The following ADGRL2 variants were observed in gnomAD, a reference collection of about 807,000 sequenced individuals.
The protein encoded by ADGRL2 is calcium-independent alpha-latrotoxin receptor 2.
In ADGRL2, 44 loss-of-function variants were observed where a neutral mutation model predicts 157.4. The observed-to-expected ratio is 0.28, with a 90% CI of 0.22 to 0.36. The LOEUF is 0.36. Among genes scored for constraint, ADGRL2 ranks in the 10% least tolerant of loss-of-function variants. The probability of loss-of-function intolerance (pLI) is 1.00; values close to 1 mark genes in which losing one functional copy is unlikely to be tolerated. For synonymous variants in ADGRL2, 585 were observed against 624.7 expected (o/e 0.94, Z 0.95); for missense variants, 1,510 against 1,768.9 (o/e 0.85, Z 2.63).
At chr1:81,818,545 A>G (rs72717735) in intron 1 of ADGRL2, among the ~76,000 whole-genome samples, 1,945 of 152,264 alleles carry the variant, frequency 0.013, 17 homozygotes, top group Non-Finnish European at 0.022. Flanking sequence ...ATTGTATTTT[A>G]TTCTTTCCAA....
intron 2 of ADGRL2, among the ~76,000 whole-genome samples, chr1:81,492,077 A>G (rs2078645054): frequency 6.6e-6 from 1 of 152,098 alleles, no homozygotes; most frequent in Non-Finnish European, 1.5e-5. Flanking sequence ...CACTCTTTTA[A>G]TTTTGTTTAA....
At chr1:81,927,103 T>A (rs2095125211) in intron 3 of ADGRL2, among the ~76,000 whole-genome samples, 1 of 152,020 alleles carries the variant, frequency 6.6e-6, no homozygotes, top group Non-Finnish European at 1.5e-5. Flanking sequence ...TGGCATAATA[T>A]TTTACTCAAA....
At chr1:81,455,370 A>G (rs867359937) in intron 2 of ADGRL2, among the ~76,000 whole-genome samples, 2 of 152,168 alleles carry the variant, frequency 1.3e-5, no homozygotes, top group Non-Finnish European at 1.5e-5. Context: ...CCAGACCTGA[A>G]TTCTATTCCA....
intron 3 of ADGRL2, among the ~76,000 whole-genome samples, chr1:81,634,784 A>C (rs1447569653): frequency 6.6e-6 from 1 of 152,024 alleles, no homozygotes; most frequent in Non-Finnish European, 1.5e-5. Context: ...GGCCTCCCAA[A>C]GTGCTGGGAT....
intron 1 of ADGRL2, among the ~76,000 whole-genome samples, chr1:81,823,362 CCTTCCCT>C: frequency 7.7e-6 from 1 of 129,388 alleles, no homozygotes; most frequent in Non-Finnish European, 1.7e-5. Flanking sequence ...TTCCCTCCTT[CCTTCCCT>C]CCCCCCTCCC....
At chr1:81,773,105 T>A (rs572596447) in intron 2 of ADGRL2, among the ~76,000 whole-genome samples, 10 of 152,198 alleles carry the variant, frequency 6.6e-5, no homozygotes, top group Non-Finnish European at 1.2e-4. Context: ...TCTGTCCCTA[T>A]AATTTTTTAA....
chr1:81,711,549 A>C (rs1361828062), intron 1 of ADGRL2, among the ~76,000 whole-genome samples: 1 of 152,216 alleles, frequency 6.6e-6, no homozygotes, highest in Non-Finnish European at 1.5e-5. Context: ...TTAAAAAGAC[A>C]TACTTAAAAT....
At chr1:81,778,115 T>C (rs1446631555) in intron 2 of ADGRL2, among the ~76,000 whole-genome samples, 3 of 152,110 alleles carry the variant, frequency 2.0e-5, no homozygotes, top group Non-Finnish European at 2.9e-5. Flanking sequence ...GGTCAAGAGA[T>C]GGAGACCATT....
chr1:81,369,102 AAT>A (rs72478961), intron 1 of ADGRL2, among the ~76,000 whole-genome samples: 19,321 of 152,146 alleles, frequency 0.13, 1,559 homozygotes, highest in East Asian at 0.2. Flanking sequence ...AATAAGAGAA[AAT>A]AAATGTTTGT....
intron 1 of ADGRL2, among the ~76,000 whole-genome samples, chr1:81,343,680 CAGAG>C (rs1557612426): frequency 6.6e-6 from 1 of 150,962 alleles, no homozygotes; most frequent in East Asian, 1.9e-4. Context: ...CCTCACAAGA[CAGAG>C]AGAGAGAGAA....
chr1:81,447,885 C>T (rs931183787), intron 2 of ADGRL2, among the ~76,000 whole-genome samples: 7 of 151,916 alleles, frequency 4.6e-5, no homozygotes, highest in Non-Finnish European at 7.4e-5. Flanking sequence ...CCTCCATGAA[C>T]GGTTTAGCAC....
chr1:81,973,935 GA>G, intron 17 of ADGRL2, among the ~76,000 whole-genome samples: 1 of 137,552 alleles, frequency 7.3e-6, no homozygotes, highest in East Asian at 2.0e-4. Context: ...TGTGTGTGGG[GA>G]AAAAATATAT....
intron 2 of ADGRL2, among the ~76,000 whole-genome samples, chr1:81,567,564 T>C (rs970945402): frequency 1.3e-5 from 2 of 152,136 alleles, no homozygotes; most frequent in African/African-American, 4.8e-5. Flanking sequence ...TGTCCCAAGA[T>C]GTTCTTATTA....
intron 3 of ADGRL2, among the ~76,000 whole-genome samples, chr1:81,617,059 C>G (rs34914640): frequency 0.18 from 27,856 of 152,084 alleles, 2,759 homozygotes; most frequent in East Asian, 0.35. Flanking sequence ...GATACATAGT[C>G]TATATCAGAG....
chr1:81,583,322 G>C (rs543523761), intron 3 of ADGRL2, among the ~76,000 whole-genome samples: 1 of 152,182 alleles, frequency 6.6e-6, no homozygotes, highest in Non-Finnish European at 1.5e-5. Context: ...AAAGGTGGTA[G>C]TTCATTTAAT....
chr1:81,613,655 C>A (rs1195911233), intron 3 of ADGRL2, among the ~76,000 whole-genome samples: 1 of 152,070 alleles, frequency 6.6e-6, no homozygotes, highest in Non-Finnish European at 1.5e-5. Flanking sequence ...CTATAGGAAG[C>A]CAGAGATCTT....
At chr1:81,642,162 G>A (rs1033875843) in intron 3 of ADGRL2, among the ~76,000 whole-genome samples, 2 of 150,902 alleles carry the variant, frequency 1.3e-5, no homozygotes, top group Non-Finnish European at 3.0e-5. Flanking sequence ...GCAGGAGAAT[G>A]GCATGAACCC....
chr1:81,978,625 C>T (rs1660820306), intron 17 of ADGRL2, among the ~76,000 whole-genome samples: 1 of 151,746 alleles, frequency 6.6e-6, no homozygotes, highest in Non-Finnish European at 1.5e-5. Flanking sequence ...CTTTCCTTAG[C>T]TCTGCTCCTA....
intron 2 of ADGRL2, among the ~76,000 whole-genome samples, chr1:81,556,032 CT>C: frequency 6.6e-6 from 1 of 151,656 alleles, no homozygotes; most frequent in East Asian, 1.9e-4. Context: ...AAAATATAAA[CT>C]TACCCCCAAA....
Sources: gnomAD v4.1 joint callset for allele counts (sites outside exome capture counted in the v4.1 genomes callset) on GRCh38, gnomAD v4.1.1 for gene constraint, MANE v1.5 for transcripts, NCBI Gene and HGNC (gene_info 2026-07-23, HGNC 2026-07-21) for gene names.